Variants in PXDNL observed in about 807,000 individuals in gnomAD.
PXDNL encodes peroxidasin like, also known as probable oxidoreductase PXDNL.
PXDNL carries 145 observed loss-of-function variants against 150.8 expected under a neutral mutation model. The ratio of observed to expected loss-of-function variants is 0.96; its 90% CI spans 0.84 to 1.10. The LOEUF is 1.10. PXDNL is among the 50% of genes least tolerant of loss of function. The pLI, the probability that PXDNL is intolerant of heterozygous loss-of-function variation, is 0.00. For synonymous variants in PXDNL, 757 were observed against 725.7 expected (o/e 1.04, Z -0.69); for missense variants, 2,087 against 1,873.9 (o/e 1.11, Z -2.10).
intron 14 of PXDNL, among the ~76,000 whole-genome samples, chr8:51,420,257 A>C (rs1205972621): frequency 6.6e-6 from 1 of 152,216 alleles, no homozygotes; most frequent in African/African-American, 2.4e-5. Flanking sequence ...GTAAGGTATG[A>C]ACTTTTCCTT....
intron 2 of PXDNL, among the ~76,000 whole-genome samples, chr8:51,606,143 C>T (rs540755034): frequency 4.6e-5 from 7 of 152,232 alleles, no homozygotes; most frequent in East Asian, 1.9e-4. Flanking sequence ...TTTCAGCAAA[C>T]GAAGAAAATC....
chr8:51,789,336 T>C (rs779429965), intron 1 of PXDNL, among the ~76,000 whole-genome samples: 24 of 152,138 alleles, frequency 1.6e-4, no homozygotes, highest in Non-Finnish European at 3.2e-4. Context: ...GAGGTAAAAT[T>C]CAATTTTTCT....
intron 4 of PXDNL, among the ~76,000 whole-genome samples, chr8:51,505,277 C>T (rs1811261065): frequency 2.0e-5 from 3 of 152,088 alleles, no homozygotes; most frequent in Admixed American, 2.0e-4. Flanking sequence ...AACATGTGGT[C>T]AGAGAATGAC....
chr8:51,653,429 T>A (rs984363315), intron 2 of PXDNL, among the ~76,000 whole-genome samples: 1 of 151,926 alleles, frequency 6.6e-6, no homozygotes, highest in Admixed American at 6.6e-5. Context: ...AAGAAAAAAA[T>A]AATAATAATC....
chr8:51,631,282 G>A lies in PXDNL; in HGVS notation c.236+23407C>T, dbSNP rs974765350. Among the ~76,000 whole-genome samples, 18 of 151,396 alleles carry A rather than the reference G, an allele frequency of 1.2e-4. No individual in the cohort carries two copies. In the East Asian group the frequency reaches 3.3e-3, roughly 28 times the overall value. On this transcript the variant is annotated intron_variant, in intron 2 of 22. Transcript: ENST00000356297. ...ACAACAGACACCAGAGCCTACTTAG[G>A]GTGAGGAATGGGAGGAGGGAAAAAA...
At position 51,374,646 on chromosome 8, in the gene PXDNL, G is replaced by T. The variant is rs372280221; in HGVS notation, c.3643C>A (p.Leu1215Ile). ...AACTGGGTAACAAACAGGCACATAAGTGTTGGTCCCACTCTTGTACCAGGA... is the reference window on the plus strand; with the variant it reads ...AACTGGGTAACAAACAGGCACATAATTGTTGGTCCCACTCTTGTACCAGGA... ...LIPGTRVGPT[L>I]MCLFVTQFQR... Residue 1215 changes from leucine (L) to isoleucine (I), a missense_variant, in exon 18 of 23, where the codon CTT becomes ATT. By Grantham distance (5) the Leu-to-Ile change is conservative (BLOSUM62 2). Transcript: ENST00000356297. 1.2e-6 allele frequency: 2 copies of T among 1,613,886 alleles called. No individual in the cohort carries two copies. The highest frequency in any genetic ancestry group is 4.5e-5 in the East Asian group (2 of 44,876).
At chr8:51,745,049 G>A (rs1172597408) in intron 1 of PXDNL, among the ~76,000 whole-genome samples, 1 of 152,050 alleles carries the variant, frequency 6.6e-6, no homozygotes, top group Non-Finnish European at 1.5e-5. Flanking sequence ...AAATATGGAT[G>A]GTAATGACAT....
intron 1 of PXDNL, among the ~76,000 whole-genome samples, chr8:51,699,016 T>C (rs890342985): frequency 3.3e-5 from 5 of 152,202 alleles, no homozygotes; most frequent in African/African-American, 1.2e-4. Flanking sequence ...TCATCCAGGC[T>C]TTGTTGTTCC....
chr8:51,590,000 C>T (rs527472535), intron 3 of PXDNL, among the ~76,000 whole-genome samples: 12 of 152,202 alleles, frequency 7.9e-5, no homozygotes, highest in East Asian at 3.9e-4. Flanking sequence ...CCCTTCCCAT[C>T]GCAGGCCCTG....
intron 1 of PXDNL, among the ~76,000 whole-genome samples, chr8:51,794,202 A>C (rs1289306894): frequency 1.3e-5 from 2 of 152,174 alleles, no homozygotes; most frequent in African/African-American, 4.8e-5. Flanking sequence ...GGGTACTTGA[A>C]AGAGATGGGG....
intron 5 of PXDNL, among the ~76,000 whole-genome samples, chr8:51,485,688 C>T (rs1338118998): frequency 1.3e-5 from 2 of 152,210 alleles, no homozygotes; most frequent in African/African-American, 4.8e-5. Flanking sequence ...CTCCCACTTG[C>T]TCATGGCGTA....
At chr8:51,733,527 G>A (rs993560356) in intron 1 of PXDNL, among the ~76,000 whole-genome samples, 1 of 152,100 alleles carries the variant, frequency 6.6e-6, no homozygotes, top group Non-Finnish European at 1.5e-5. Context: ...GAAAAAACAG[G>A]CCAGGTATGG....
chr8:51,808,130 GATT>G (rs2037697969), intron 1 of PXDNL, among the ~76,000 whole-genome samples: 4 of 151,892 alleles, frequency 2.6e-5, no homozygotes, highest in African/African-American at 9.7e-5. Flanking sequence ...CTCATTTCAC[GATT>G]ATGACTGACA....
Position 51,409,577 on chromosome 8 carries a change from C to T in PXDNL, c.2063-16G>A. On this transcript the variant is annotated splice_polypyrimidine_tract_variant and intron_variant, in intron 16 of 22. Coordinates refer to ENST00000356297, the MANE Select transcript of PXDNL (RefSeq NM_144651.5). Reference sequence around the variant, plus strand: ...TACCGGAATTCTGAAAGGCAAGCGGCGAAAGCCGTGAGGAGGGCGGGCCTG... The same window carrying T: ...TACCGGAATTCTGAAAGGCAAGCGGTGAAAGCCGTGAGGAGGGCGGGCCTG... 1.3e-6 allele frequency: 2 copies of T among 1,537,772 alleles called. No individual in the cohort carries two copies. Among genetic ancestry groups the T allele is most frequent in the Non-Finnish European group, 8.8e-7 (1 of 1,140,226 alleles).
At chr8:51,453,062 A>G (rs905295836) in intron 10 of PXDNL, among the ~76,000 whole-genome samples, 2 of 152,050 alleles carry the variant, frequency 1.3e-5, no homozygotes, top group African/African-American at 4.8e-5. Flanking sequence ...ATATAAATTA[A>G]TTTCTGGATT....
At chr8:51,356,696 A>G (rs1418754589) in intron 19 of PXDNL, among the ~76,000 whole-genome samples, 2 of 152,124 alleles carry the variant, frequency 1.3e-5, no homozygotes, top group Non-Finnish European at 2.9e-5. Flanking sequence ...TTCATTTATC[A>G]ATCTTGGTTA....
At chr8:51,607,166 C>T (rs1813853867) in intron 2 of PXDNL, among the ~76,000 whole-genome samples, 1 of 152,110 alleles carries the variant, frequency 6.6e-6, no homozygotes, top group South Asian at 2.1e-4. Context: ...CTCCATGATC[C>T]CACAGACTGA....
intron 17 of PXDNL, among the ~76,000 whole-genome samples, chr8:51,399,152 C>T (rs960810602): frequency 6.6e-6 from 1 of 152,036 alleles, no homozygotes; most frequent in Non-Finnish European, 1.5e-5. Context: ...ATATTACAAC[C>T]ACTTTGGGTA....
intron 20 of PXDNL, among the ~76,000 whole-genome samples, chr8:51,343,431 GA>G (rs1175799041): frequency 1.3e-5 from 2 of 152,142 alleles, no homozygotes; most frequent in Non-Finnish European, 2.9e-5. Flanking sequence ...TCAGATTAAT[GA>G]TAAACTGAAC....
Sources: gnomAD v4.1 joint callset for allele counts (sites outside exome capture counted in the v4.1 genomes callset) on GRCh38, gnomAD v4.1.1 for gene constraint, MANE v1.5 for transcripts, NCBI Gene and HGNC (gene_info 2026-07-23, HGNC 2026-07-21) for gene names.